TPRG1: variants seen among roughly 807,000 people sequenced by gnomAD.
The protein encoded by TPRG1 is tumor protein p63-regulated gene 1 protein.
In TPRG1, 29 loss-of-function variants were observed where a neutral mutation model predicts 29.3. The ratio of observed to expected loss-of-function variants is 0.99; its 90% CI spans 0.74 to 1.35. TPRG1 has a LOEUF of 1.35. Among genes scored for constraint, TPRG1 ranks in the 40% most tolerant of loss-of-function variants. The pLI is 0.00. For missense variants in TPRG1, 327 were observed against 335.0 expected, an observed-to-expected ratio of 0.98 and a Z score of 0.19; for synonymous variants, 130 against 116.8, an observed-to-expected ratio of 1.11 and a Z score of -0.73.
chr3:189,249,384 A>G (rs1741829304), intron 4 of TPRG1, among the ~76,000 whole-genome samples: 1 of 151,740 alleles, frequency 6.6e-6, no homozygotes, highest in African/African-American at 2.4e-5. Context: ...CAACCCTTAC[A>G]TTCTTTTTCT....
intron 3 of TPRG1, chr3:189,023,736 C>T (rs1713504720): frequency 6.5e-6 from 1 of 152,762 alleles, no homozygotes; most frequent in African/African-American, 2.4e-5. Context: ...AACAGTCTGG[C>T]CACTCTTTTC....
At chr3:189,020,209 G>T (rs1016923940) in intron 3 of TPRG1, among the ~76,000 whole-genome samples, 1 of 149,584 alleles carries the variant, frequency 6.7e-6, no homozygotes, top group Non-Finnish European at 1.5e-5. Flanking sequence ...TTTTTTGAAG[G>T]GTTTTTTGTG....
chr3:189,178,095 A>G (rs1285788423), intron 1 of TPRG1, among the ~76,000 whole-genome samples: 2 of 152,222 alleles, frequency 1.3e-5, no homozygotes, highest in East Asian at 1.9e-4. Context: ...GCTCAAGACA[A>G]TGGGAAGAAA....
intron 5 of TPRG1, among the ~76,000 whole-genome samples, chr3:189,155,009 T>C (rs934861474): frequency 6.6e-6 from 1 of 152,184 alleles, no homozygotes. Flanking sequence ...TGACTGTCTG[T>C]GGAAATGTCC....
chr3:189,016,672 G>A (rs1196017634), intron 3 of TPRG1, among the ~76,000 whole-genome samples: 2 of 152,044 alleles, frequency 1.3e-5, no homozygotes, highest in African/African-American at 2.4e-5. Flanking sequence ...CTCCTATCTT[G>A]CTATTCTTGT....
intron 1 of TPRG1, among the ~76,000 whole-genome samples, chr3:189,184,084 C>T (rs879884499): frequency 1.3e-5 from 2 of 152,160 alleles, no homozygotes; most frequent in Non-Finnish European, 2.9e-5. Context: ...AATCCATGTT[C>T]TTCTGCCATG....
intron 4 of TPRG1, among the ~76,000 whole-genome samples, chr3:189,061,767 T>A (rs899377800): frequency 6.6e-6 from 1 of 152,240 alleles, no homozygotes; most frequent in Admixed American, 6.5e-5. Context: ...GACTGGCTAT[T>A]TATAAAAAGT....
chr3:189,182,387 TA>T (rs1290621809), intron 1 of TPRG1, among the ~76,000 whole-genome samples: 1 of 152,172 alleles, frequency 6.6e-6, no homozygotes, highest in African/African-American at 2.4e-5. Flanking sequence ...GCTCATAACT[TA>T]AAAAAAGTAG....
intron 2 of TPRG1, among the ~76,000 whole-genome samples, chr3:189,004,167 G>A (rs1208171330): frequency 6.6e-6 from 1 of 152,074 alleles, no homozygotes; most frequent in Non-Finnish European, 1.5e-5. Context: ...ATGCATTTAT[G>A]TGGTTCAAAA....
chr3:189,028,834 A>G (rs1713794732), intron 4 of TPRG1, among the ~76,000 whole-genome samples: 1 of 152,182 alleles, frequency 6.6e-6, no homozygotes, highest in African/African-American at 2.4e-5. Context: ...TAGTTAGAGT[A>G]CATCATAGCC....
chr3:189,015,083 G>A (rs1442894173), intron 3 of TPRG1, among the ~76,000 whole-genome samples: 1 of 152,164 alleles, frequency 6.6e-6, no homozygotes, highest in African/African-American at 2.4e-5. Flanking sequence ...GACCAAAATG[G>A]TAATAGTGAT....
chr3:189,318,983 C>T (rs1723973945), intron 5 of TPRG1, among the ~76,000 whole-genome samples: 1 of 152,108 alleles, frequency 6.6e-6, no homozygotes, highest in Non-Finnish European at 1.5e-5. Flanking sequence ...GACCTGAGTC[C>T]AAGCCCTTGC....
intron 4 of TPRG1, among the ~76,000 whole-genome samples, chr3:189,053,109 T>A (rs1715434937): frequency 6.6e-6 from 1 of 152,220 alleles, no homozygotes. Context: ...ATGTTTAGTG[T>A]AGCCAGCTTC....
At chr3:189,268,843 A>T (rs1231232580) in intron 4 of TPRG1, among the ~76,000 whole-genome samples, 1 of 152,240 alleles carries the variant, frequency 6.6e-6, no homozygotes, top group African/African-American at 2.4e-5. Flanking sequence ...AGCACCGAGT[A>T]CAGAATCTAG....
intron 4 of TPRG1, among the ~76,000 whole-genome samples, chr3:189,265,138 T>G (rs1242408792): frequency 6.6e-6 from 1 of 152,216 alleles, no homozygotes; most frequent in East Asian, 1.9e-4. Context: ...GGTTGGTATT[T>G]TGATTTGTAT....
chr3:189,049,579 C>A (rs1470629941), intron 4 of TPRG1, among the ~76,000 whole-genome samples: 1 of 152,198 alleles, frequency 6.6e-6, no homozygotes, highest in Non-Finnish European at 1.5e-5. Context: ...TAGCTGAAGA[C>A]AAAGGGCATA....
intron 4 of TPRG1, among the ~76,000 whole-genome samples, chr3:189,077,833 C>T (rs964403730): frequency 9.2e-5 from 14 of 152,094 alleles, no homozygotes; most frequent in African/African-American, 3.4e-4. Context: ...TGAGAAATTG[C>T]ACTGTTAGCT....
intron 1 of TPRG1, among the ~76,000 whole-genome samples, chr3:189,182,387 T>TA (rs1290621809): frequency 2.0e-5 from 3 of 152,172 alleles, no homozygotes; most frequent in East Asian, 1.9e-4. Context: ...GCTCATAACT[T>TA]AAAAAAAGTA....
chr3:189,208,314 C>T lies in TPRG1; in HGVS notation c.210+720C>T, dbSNP rs561194946. On this transcript the variant is annotated intron_variant, in intron 2 of 5. Transcript: ENST00000345063. ...CAATCCTTCAACATTCTTATTAGCA[C>T]AGTCATGGTTAGCTTAGAGGTTACA... 3.9e-5 allele frequency among the ~76,000 whole-genome samples: 6 copies of T among 152,218 alleles called. No homozygotes were observed. In the South Asian group the frequency reaches 1.2e-3, roughly 32 times the overall value.
Sources: gnomAD v4.1 joint callset for allele counts (sites outside exome capture counted in the v4.1 genomes callset) on GRCh38, gnomAD v4.1.1 for gene constraint, MANE v1.5 for transcripts, NCBI Gene and HGNC (gene_info 2026-07-23, HGNC 2026-07-21) for gene names.